FANCM: variants seen among roughly 807,000 people sequenced by gnomAD.
The protein encoded by FANCM is FA complementation group M, also known as Fanconi anemia group M protein.
Under a neutral mutation model 199.5 loss-of-function variants are expected in FANCM, and 140 were observed. The ratio of observed to expected loss-of-function variants is 0.70; its 90% CI spans 0.61 to 0.81. The LOEUF is 0.81. FANCM is among the 30% of genes least tolerant of loss of function. The pLI, the probability that FANCM is intolerant of heterozygous loss-of-function variation, is 0.00. For synonymous variants in FANCM, 840 were observed against 836.8 expected (o/e 1.00, Z -0.07); for missense variants, 2,410 against 2,421.4 (o/e 1.00, Z 0.10).
chr14:45,156,527 A>G (rs556372661), intron 8 of FANCM, among the ~76,000 whole-genome samples: 10 of 152,286 alleles, frequency 6.6e-5, no homozygotes, highest in African/African-American at 2.4e-4. Context: ...CATCAAGGCA[A>G]TAGTGGTCAA....
Position 45,154,155 on chromosome 14 carries a change from C to A in FANCM, c.1183+103C>A, listed in dbSNP as rs201627169. The A allele has an allele frequency of 4.9e-5, 42 of 853,244 alleles. No individual in the cohort carries two copies. The East Asian group carries it at 7.2e-4, about 15-fold the overall frequency. 52.9% of individuals were successfully genotyped at this position (853,244 alleles called of 1,614,324 possible). A position where few individuals can be genotyped will look rare whatever the true frequency, so the allele number is the denominator to read the frequency against. ...GTGGCTCATTTCTGTAATCCCAGCA[C>A]TTTGGGAAGCCGAGGTGGGTGGATC... is the stretch of plus-strand genomic sequence containing the variant. On this transcript the variant is annotated intron_variant, in intron 6 of 22. Transcript: ENST00000267430.
At chr14:45,173,763 A>T (rs969416975) in intron 13 of FANCM, among the ~76,000 whole-genome samples, 1 of 152,186 alleles carries the variant, frequency 6.6e-6, no homozygotes, top group African/African-American at 2.4e-5. Context: ...CTTATTTCAT[A>T]AGGTTGTTGT....
intron 9 of FANCM, among the ~76,000 whole-genome samples, chr14:45,163,891 A>C (rs930151231): frequency 5.9e-5 from 9 of 152,160 alleles, no homozygotes; most frequent in Admixed American, 4.6e-4. Context: ...CTTTTGGCTT[A>C]TATTGCTAGT....
chr14:45,187,638 A>C, intron 18 of FANCM, 143 bp from the exon 19 acceptor site: 1 of 558,666 alleles, frequency 1.8e-6, no homozygotes, highest in East Asian at 3.0e-5. Flanking sequence ...GTTTATAGAT[A>C]TCTTTTAATA....
intron 1 of FANCM, 47 bp from the exon 2 acceptor site, chr14:45,137,022 G>A (rs753046957): frequency 2.2e-6 from 3 of 1,368,290 alleles, no homozygotes; most frequent in South Asian, 1.2e-5. Context: ...ATATTTTATA[G>A]ATAACAGTCT....
intron 18 of FANCM, among the ~76,000 whole-genome samples, chr14:45,185,732 T>C (rs1889359120): frequency 6.6e-6 from 1 of 152,154 alleles, no homozygotes; most frequent in Non-Finnish European, 1.5e-5. Flanking sequence ...GAAGCCTACA[T>C]TCAAATGGAA....
At position 45,167,107 on chromosome 14, in the gene FANCM, C is replaced by T; in HGVS notation, c.1946C>T (p.Pro649Leu). 6.2e-7 allele frequency: 1 copy of T among 1,613,652 alleles called. No individual in the cohort carries two copies. Among genetic ancestry groups the T allele is most frequent in the Non-Finnish European group, 8.5e-7 (1 of 1,179,652 alleles). ...TTCATCACACATGGTGTCTATGAACCAGAGAAGCCTTCTCGGAACTTGCAG... is the reference window on the plus strand; with the variant it reads ...TTCATCACACATGGTGTCTATGAACTAGAGAAGCCTTCTCGGAACTTGCAG... ...KMFITHGVYEPEKPSRNLQRK... is the reference protein window; with the variant it reads ...KMFITHGVYELEKPSRNLQRK... Residue 649 changes from proline (P) to leucine (L), a missense_variant, in exon 11 of 23, where the codon CCA becomes CTA. Transcript: ENST00000267430.
chr14:45,145,975 C>T (rs1422880188), intron 3 of FANCM, among the ~76,000 whole-genome samples: 2 of 146,070 alleles, frequency 1.4e-5, no homozygotes, highest in African/African-American at 5.2e-5. Context: ...AGGAGAATGG[C>T]GTGAACCCGG....
intron 3 of FANCM, among the ~76,000 whole-genome samples, chr14:45,146,992 A>G (rs1385651197): frequency 6.6e-6 from 1 of 152,180 alleles, no homozygotes; most frequent in Non-Finnish European, 1.5e-5. Context: ...CAGCGCCAGT[A>G]AAATATCAGC....
intron 14 of FANCM, chr14:45,180,874 A>G (rs1406340683): frequency 1.9e-5 from 3 of 154,512 alleles, no homozygotes; most frequent in South Asian, 2.0e-4. Context: ...TCCTTTTTTT[A>G]GAAGCAAGTC....
At chr14:45,165,646 G>A (rs1887917865) in intron 10 of FANCM, among the ~76,000 whole-genome samples, 1 of 152,078 alleles carries the variant, frequency 6.6e-6, no homozygotes, top group African/African-American at 2.4e-5. Flanking sequence ...TGTGATTATA[G>A]CATATTCATA....
intron 12 of FANCM, 34 bp downstream of exon 12, chr14:45,170,780 C>T (rs549175133): frequency 6.3e-7 from 1 of 1,579,086 alleles, no homozygotes; most frequent in Admixed American, 1.7e-5. Context: ...GTTCTTTTCC[C>T]CCCCCTCATT....
rs1384983651 is a variant in FANCM at position 45,200,157 on chromosome 14, A to T, written c.*149A>T. The T allele has an allele frequency of 3.7e-6, 1 of 267,912 alleles. No individual in the cohort carries two copies. Among genetic ancestry groups the T allele is most frequent in the African/African-American group, 2.3e-5 (1 of 42,954 alleles). The allele number at this position is 267,912 out of a possible 1,614,324, so 16.6% of individuals were successfully genotyped here. A position where few individuals can be genotyped will look rare whatever the true frequency, so the allele number is the denominator to read the frequency against. On this transcript the variant is annotated 3_prime_UTR_variant, in exon 23 of 23. Transcript: ENST00000267430. ...TACATTTTTATTTATAGATTATAGA[A>T]ATTATTAAAAAAGAAAAATCTGATG...
At chr14:45,179,718 CG>C (rs1888946507) in intron 14 of FANCM, among the ~76,000 whole-genome samples, 1 of 151,860 alleles carries the variant, frequency 6.6e-6, no homozygotes, top group Non-Finnish European at 1.5e-5. Context: ...CCTGCCACCA[CG>C]CCCGACTAAT....
intron 10 of FANCM, 112 bp downstream of exon 10, chr14:45,164,677 G>A: frequency 1.1e-6 from 1 of 871,870 alleles, no homozygotes; most frequent in African/African-American, 1.7e-5. Flanking sequence ...AGATAGTTTT[G>A]GTTTATTTTC....
chr14:45,185,109 A>T, intron 17 of FANCM, 108 bp from the exon 18 acceptor site: 1 of 797,268 alleles, frequency 1.3e-6, no homozygotes. Flanking sequence ...TTATTTTATT[A>T]ATCTTAAAAG....
rs771036341 is a variant in FANCM, at chr14:45,155,375, GATAAAA to G, written c.1320_1325del (p.Asn440_Lys441del). The G allele has an allele frequency of 1.4e-5, 18 of 1,286,052 alleles. No homozygotes were observed. The highest frequency in any genetic ancestry group is 2.3e-5 in the East Asian group (1 of 43,022). 79.7% of individuals were successfully genotyped at this position (1,286,052 alleles called of 1,614,324 possible). ...TTGATATTTTTGTTTTGTTCCAGGA[GATAAAA>G]ATAAAAAATTTGTTTATAGTCATCC... On this transcript the variant is annotated inframe_deletion, in exon 8 of 23. Coordinates refer to ENST00000267430, the MANE Select transcript of FANCM (RefSeq NM_020937.4).
In FANCM at chr14:45,160,088, C is replaced by T. The variant is rs534005442; in HGVS notation, c.1581+808C>T. Among the ~76,000 whole-genome samples the T allele has an allele frequency of 8.0e-5, 12 of 150,126 alleles. 1 individual carries two copies. Among genetic ancestry groups the T allele is most frequent in the Admixed American group, 2.7e-4 (4 of 15,082 alleles). ...TGATCTTGGCTCACTGCAACCTCCG[C>T]CTCCCAGGTTCAAGCAATTCTCCTG... On this transcript the variant is annotated intron_variant, in intron 9 of 22. Coordinates refer to ENST00000267430, the MANE Select transcript of FANCM (RefSeq NM_020937.4).
chr14:45,144,309 T>C (rs226977), intron 3 of FANCM, among the ~76,000 whole-genome samples: 125,892 of 145,816 alleles, frequency 0.86, 54,653 homozygotes, highest in African/African-American at 0.95. Flanking sequence ...TAGTGTCCCC[T>C]CCACCCCCCT....
Sources: allele counts gnomAD v4.1 joint callset (sites outside exome capture counted in the v4.1 genomes callset), GRCh38; gene constraint gnomAD v4.1.1; transcripts MANE v1.5; gene names NCBI Gene and HGNC (gene_info 2026-07-23, HGNC 2026-07-21).